Variants in YPEL2 observed in about 807,000 individuals in gnomAD.
YPEL2 encodes protein yippee-like 2.
A neutral mutation model predicts 19.1 loss-of-function variants in YPEL2; 2 were observed. The ratio of observed to expected loss-of-function variants is 0.10; its 90% confidence interval spans 0.04 to 0.33. The LOEUF is 0.33. YPEL2 is among the 10% of genes least tolerant of loss of function. The pLI is 1.00. For synonymous variants in YPEL2, 52 were observed against 50.0 expected (o/e 1.04, Z -0.17); for missense variants, 66 against 140.7 (o/e 0.47, Z 2.68).
At chr17:59,378,651 C>T (rs1357634813) in intron 2 of YPEL2, among the ~76,000 whole-genome samples, 1 of 152,162 alleles carries the variant, frequency 6.6e-6, no homozygotes, top group African/African-American at 2.4e-5. Flanking sequence ...CTCTCCCTTT[C>T]ATCAATAAAA....
At chr17:59,351,815 C>G (rs1170541689) in intron 1 of YPEL2, among the ~76,000 whole-genome samples, 2 of 152,290 alleles carry the variant, frequency 1.3e-5, no homozygotes, top group African/African-American at 4.8e-5. Flanking sequence ...TGAGGAGCTT[C>G]CTTGGCTCAG....
intron 1 of YPEL2, among the ~76,000 whole-genome samples, chr17:59,342,525 T>G (rs181846613): frequency 6.6e-6 from 1 of 152,336 alleles, no homozygotes; most frequent in Admixed American, 6.5e-5. Context: ...AATGGCTGTT[T>G]TTCATTATAC....
rs954035328 is a variant in YPEL2 at position 59,331,745 on chromosome 17, C to T, written c.-275C>T. On this transcript the variant is annotated 5_prime_UTR_variant, in exon 1 of 5. Coordinates refer to ENST00000312655, the MANE Select transcript of YPEL2 (RefSeq NM_001005404.4). Reference sequence around the variant, plus strand: ...TAAGAGCGTGCCGGGAGCCCGAGCCCCAGCCGGGCCGCGCTTCGCCGCTGC... The same window carrying T: ...TAAGAGCGTGCCGGGAGCCCGAGCCTCAGCCGGGCCGCGCTTCGCCGCTGC... 6.6e-6 allele frequency: 1 copy of T among 152,228 alleles called. No homozygotes were observed. The highest frequency in any genetic ancestry group is 6.5e-5 in the Admixed American group (1 of 15,268). 9.4% of individuals were successfully genotyped at this position (152,228 alleles called of 1,614,324 possible).
rs373370075 is a variant in YPEL2 at position 59,367,238 on chromosome 17, C to T, written c.117+13712C>T. Among the ~76,000 whole-genome samples the T allele has an allele frequency of 3.3e-5, 5 of 152,260 alleles. No individual in the cohort carries two copies. The South Asian group carries it at 1.0e-3, about 32-fold the overall frequency. On this transcript the variant is annotated intron_variant, in intron 2 of 4. Coordinates refer to ENST00000312655, the MANE Select transcript of YPEL2 (RefSeq NM_001005404.4). ...TGTGTGCCTCTGACAGGCAAAATCTCCTCCTGGATCCCAGGCCTGTAACCA... is the reference window on the plus strand; with the variant it reads ...TGTGTGCCTCTGACAGGCAAAATCTTCTCCTGGATCCCAGGCCTGTAACCA...
chr17:59,396,991 A>G (rs2048042774), intron 4 of YPEL2, 110 bp from the exon 5 acceptor site: 1 of 700,558 alleles, frequency 1.4e-6, no homozygotes, highest in Admixed American at 3.4e-5. Flanking sequence ...AGATTGCGTC[A>G]TTGCACTCCA....
At chr17:59,363,005 A>G (rs1383364037) in intron 2 of YPEL2, 1 of 152,256 alleles carries the variant, frequency 6.6e-6, no homozygotes, top group Non-Finnish European at 1.5e-5. Context: ...TTAGGAAACA[A>G]GGGAATGCAA....
intron 1 of YPEL2, among the ~76,000 whole-genome samples, chr17:59,351,190 C>A (rs1376882374): frequency 6.6e-6 from 1 of 152,114 alleles, no homozygotes; most frequent in Admixed American, 6.5e-5. Context: ...GTCTGGCCAA[C>A]ATGGTGAAAC....
At chr17:59,332,413 G>A (rs1031508774) in intron 1 of YPEL2, among the ~76,000 whole-genome samples, 1 of 152,182 alleles carries the variant, frequency 6.6e-6, no homozygotes, top group Non-Finnish European at 1.5e-5. Flanking sequence ...CCCTGGCCGC[G>A]TCTCGGCGCC....
intron 1 of YPEL2, among the ~76,000 whole-genome samples, chr17:59,352,961 T>C (rs1285144945): frequency 6.6e-6 from 1 of 152,078 alleles, no homozygotes; most frequent in Non-Finnish European, 1.5e-5. Context: ...ATGATGATAA[T>C]GTGTGTGCTG....
intron 2 of YPEL2, among the ~76,000 whole-genome samples, chr17:59,370,444 C>T (rs767434870): frequency 1.3e-5 from 2 of 152,126 alleles, no homozygotes; most frequent in Non-Finnish European, 1.5e-5. Flanking sequence ...AACGGTCTGT[C>T]ATATATTCTG....
At chr17:59,392,311 C>T in intron 4 of YPEL2, among the ~76,000 whole-genome samples, 1 of 152,024 alleles carries the variant, frequency 6.6e-6, no homozygotes, top group East Asian at 1.9e-4. Context: ...AAGCCTTTGA[C>T]TAAATACCAA....
At chr17:59,334,924 CCAGAAGGAAGAG>C (rs1427614010) in intron 1 of YPEL2, among the ~76,000 whole-genome samples, 13 of 152,242 alleles carry the variant, frequency 8.5e-5, no homozygotes, top group Admixed American at 4.6e-4. Context: ...ATTGGAAAAG[CCAGAAGGAAGAG>C]ATGTTGAAGT....
intron 2 of YPEL2, among the ~76,000 whole-genome samples, chr17:59,360,830 GA>G (rs1002802412): frequency 6.6e-6 from 1 of 152,030 alleles, no homozygotes; most frequent in Non-Finnish European, 1.5e-5. Flanking sequence ...ATTAGGCTGG[GA>G]TTTTTTTTCT....
intron 1 of YPEL2, among the ~76,000 whole-genome samples, chr17:59,335,313 A>G (rs1055783636): frequency 1.3e-5 from 2 of 152,116 alleles, no homozygotes; most frequent in Non-Finnish European, 2.9e-5. Context: ...CTTGTCGCCA[A>G]TTTGCCAATG....
chr17:59,358,232 AT>A (rs1363932651), intron 2 of YPEL2, among the ~76,000 whole-genome samples: 1 of 152,132 alleles, frequency 6.6e-6, no homozygotes, highest in Non-Finnish European at 1.5e-5. Flanking sequence ...GGTTGGGAGC[AT>A]TTAGAAGGCA....
intron 1 of YPEL2, among the ~76,000 whole-genome samples, chr17:59,332,048 C>T (rs992995677): frequency 1.3e-5 from 2 of 151,860 alleles, no homozygotes; most frequent in Non-Finnish European, 2.9e-5. Context: ...ACTGCCGGGC[C>T]CGCGGCCGCT....
intron 4 of YPEL2, among the ~76,000 whole-genome samples, chr17:59,395,577 T>G (rs1244148146): frequency 6.6e-6 from 1 of 152,142 alleles, no homozygotes; most frequent in Non-Finnish European, 1.5e-5. Context: ...GCCAGGTGGT[T>G]AGTATGACGT....
chr17:59,348,352 C>G (rs2047767531), intron 1 of YPEL2, among the ~76,000 whole-genome samples: 1 of 152,226 alleles, frequency 6.6e-6, no homozygotes, highest in Admixed American at 6.5e-5. Flanking sequence ...GCTTCCACAT[C>G]ATTCCTCACG....
chr17:59,359,870 T>A (rs1352265978), intron 2 of YPEL2, among the ~76,000 whole-genome samples: 1 of 152,234 alleles, frequency 6.6e-6, no homozygotes, highest in East Asian at 1.9e-4. Flanking sequence ...TGGGTGCCTC[T>A]GCCACTTTGC....
Sources: allele counts gnomAD v4.1 joint callset (sites outside exome capture counted in the v4.1 genomes callset), GRCh38; gene constraint gnomAD v4.1.1; transcripts MANE v1.5; gene names NCBI Gene and HGNC (gene_info 2026-07-23, HGNC 2026-07-21).